The following MEIOB variants were observed in gnomAD, a reference collection of about 807,000 sequenced individuals.
MEIOB encodes the protein meiosis-specific with OB domain-containing protein.
Under a neutral mutation model 53.1 loss-of-function variants are expected in MEIOB, and 50 were observed. The ratio of observed to expected loss-of-function variants is 0.94; its 90% CI spans 0.75 to 1.19. MEIOB has a LOEUF of 1.19. Ranked by LOEUF, MEIOB falls within the 50% of genes most tolerant of loss-of-function variation. MEIOB has a pLI of 0.00. For synonymous variants in MEIOB, 192 were observed against 182.5 expected (o/e 1.05, Z -0.42); for missense variants, 551 against 550.8 (o/e 1.00, Z 0.00).
At chr16:1,838,301 A>C (rs891889313) in intron 12 of MEIOB, among the ~76,000 whole-genome samples, 1 of 152,122 alleles carries the variant, frequency 6.6e-6, no homozygotes, top group East Asian at 1.9e-4. Context: ...TGCCCAGCCA[A>C]CTCAACTGTT....
At chr16:1,837,925 AT>A in intron 12 of MEIOB, 55 bp from the exon 13 acceptor site, 1 of 1,458,200 alleles carries the variant, frequency 6.9e-7, no homozygotes, top group Admixed American at 2.7e-5. Context: ...AAGAAAATTC[AT>A]TTTTGACAAC....
intron 2 of MEIOB, 75 bp from the exon 3 acceptor site, chr16:1,865,910 T>TTA (rs773520388): frequency 3.7e-5 from 37 of 1,004,642 alleles, no homozygotes; most frequent in Non-Finnish European, 5.4e-5. Context: ...CATGGGCTTG[T>TTA]TATACTTTAC....
chr16:1,835,415 A>AT lies in MEIOB; in HGVS notation c.1306-1050dup, dbSNP rs1898716644. Among the ~76,000 whole-genome samples the AT allele has an allele frequency of 5.9e-5, 9 of 152,184 alleles. No homozygotes were observed. The South Asian group carries it at 1.9e-3, about 32-fold the overall frequency. On this transcript the variant is annotated intron_variant, in intron 13 of 13. Coordinates refer to ENST00000325962, the MANE Select transcript of MEIOB (RefSeq NM_001163560.3). ...ATAATAGTCTTATTTTAATAGTCTT[A>AT]TTTTTTATAATTTATACAGCACTTT...
At chr16:1,843,688 A>C (rs1193283135) in intron 10 of MEIOB, 1 of 149,050 alleles carries the variant, frequency 6.7e-6, no homozygotes, top group Admixed American at 6.7e-5. Context: ...ACAGAGCCAG[A>C]CTCCATCTCA....
At chr16:1,837,983 A>C in intron 12 of MEIOB, 113 bp from the exon 13 acceptor site, 1 of 1,440,688 alleles carries the variant, frequency 6.9e-7, no homozygotes, top group Non-Finnish European at 9.2e-7. Flanking sequence ...TATTTGCAGT[A>C]ATTACAGCTC....
At position 1,872,122 on chromosome 16, in the gene MEIOB, T is replaced by A. The variant is rs1255538555; in HGVS notation, c.-139A>T. 1 of 151,608 alleles carries A rather than the reference T, an allele frequency of 6.6e-6. No individual in the cohort carries two copies. Among genetic ancestry groups the A allele is most frequent in the Admixed American group, 6.6e-5 (1 of 15,246 alleles). The allele number at this position is 151,608 out of a possible 1,614,324, so 9.4% of individuals were successfully genotyped here. ...TCCACAGGACGCTCGGGCCACAGCC[T>A]CGTGCAGGTGCGACGGCCGCGCGAC... On this transcript the variant is annotated 5_prime_UTR_variant, in exon 1 of 14. Coordinates refer to ENST00000325962, the MANE Select transcript of MEIOB (RefSeq NM_001163560.3).
intron 4 of MEIOB, among the ~76,000 whole-genome samples, chr16:1,860,865 T>C (rs115552728): frequency 3.9e-5 from 6 of 152,222 alleles, no homozygotes; most frequent in Admixed American, 6.6e-5. Context: ...ATAACCGGTA[T>C]GGGGAGTCAG....
intron 9 of MEIOB, among the ~76,000 whole-genome samples, chr16:1,845,603 G>C (rs1417433732): frequency 3.3e-5 from 5 of 151,994 alleles, no homozygotes; most frequent in Non-Finnish European, 7.4e-5. Flanking sequence ...TGGGATTGTA[G>C]GTGATCTTTG....
intron 10 of MEIOB, chr16:1,843,306 A>AT (rs1396707889): frequency 1.3e-5 from 2 of 151,448 alleles, no homozygotes; most frequent in Admixed American, 1.3e-4. Flanking sequence ...AAATAAAATA[A>AT]AAAAAAATAA....
At chr16:1,856,648 G>A (rs545342229) in intron 6 of MEIOB, among the ~76,000 whole-genome samples, 27 of 151,956 alleles carry the variant, frequency 1.8e-4, no homozygotes, top group African/African-American at 5.5e-4. Context: ...TTTTAGTGGC[G>A]ATGGTGTTTC....
At chr16:1,860,323 A>T in intron 5 of MEIOB, 80 bp downstream of exon 5, 1 of 739,496 alleles carries the variant, frequency 1.4e-6, no homozygotes, top group Non-Finnish European at 2.2e-6. Context: ...GAACACTTTT[A>T]GTAAGATCTC....
intron 3 of MEIOB, among the ~76,000 whole-genome samples, chr16:1,863,549 G>T (rs1899510026): frequency 6.6e-6 from 1 of 151,562 alleles, no homozygotes; most frequent in African/African-American, 2.4e-5. Context: ...ACCATGCCTG[G>T]CTAATTTTGT....
At chr16:1,867,325 A>C (rs1438193780) in intron 2 of MEIOB, among the ~76,000 whole-genome samples, 3 of 152,122 alleles carry the variant, frequency 2.0e-5, no homozygotes, top group African/African-American at 7.2e-5. Flanking sequence ...CTACTCAAAG[A>C]GTCAATTTTC....
intron 4 of MEIOB, among the ~76,000 whole-genome samples, chr16:1,861,164 A>G (rs1315077936): frequency 6.6e-6 from 1 of 152,192 alleles, no homozygotes; most frequent in South Asian, 2.1e-4. Flanking sequence ...TGGGATTTGA[A>G]TCTAGACCTC....
intron 13 of MEIOB, among the ~76,000 whole-genome samples, chr16:1,837,114 C>T (rs1372591040): frequency 3.3e-5 from 5 of 152,118 alleles, no homozygotes; most frequent in African/African-American, 4.8e-5. Flanking sequence ...CACAAAGACT[C>T]GAGGATCCTC....
At position 1,841,972 on chromosome 16, in the gene MEIOB, T is replaced by C. The variant is rs781537342; in HGVS notation, c.882A>G (p.Leu294=). Residue 294 remains leucine, a splice_region_variant and synonymous_variant, in exon 11 of 14, where the codon TTA becomes TTG. Coordinates refer to ENST00000325962, the MANE Select transcript of MEIOB (RefSeq NM_001163560.3). ...IDSYFKESIN[L]STIVDVYTVE... The stretch of plus-strand genomic sequence containing the variant: ...CTGTGTAGACATCAACTATTGTACT[T>C]ACTAAAAACAGAAAGAAGTATTACA... 1.3e-6 allele frequency: 2 copies of C among 1,549,872 alleles called. No homozygotes were observed. The highest frequency in any genetic ancestry group is 1.7e-6 in the Non-Finnish European group (2 of 1,150,182).
At chr16:1,856,377 T>G (rs1171532691) in intron 6 of MEIOB, among the ~76,000 whole-genome samples, 1 of 151,708 alleles carries the variant, frequency 6.6e-6, no homozygotes, top group Admixed American at 6.6e-5. Context: ...TGGAGTGCAG[T>G]GGCGCAATCT....
In MEIOB at chr16:1,865,785, G is replaced by A. The variant is rs530600500; in HGVS notation, c.120C>T (p.Asp40=). The change falls in exon 3 of 14, where the codon GAC becomes GAT. Residue 40 remains aspartate (D), a synonymous_variant. Transcript: ENST00000325962. ...AGTTAAACAGAACTCAGCTTTTTCT[G>A]TCTGGAAAGCCTTTGACATCTGTTT... ...IGKTDVKGFP[D]RKNIGSERYT... is the part of the protein sequence containing the mutation. 4 of 1,547,654 alleles carry A rather than the reference G, an allele frequency of 2.6e-6. No homozygotes were observed. Among genetic ancestry groups the A allele is most frequent in the Non-Finnish European group, 3.5e-6 (4 of 1,145,790 alleles).
chr16:1,834,175 C>A lies in MEIOB; in HGVS notation c.*81G>T. On this transcript the variant is annotated 3_prime_UTR_variant, in exon 14 of 14. Transcript: ENST00000325962. ...ACATGTAAACAAAATGCAATTTTCC[C>A]CATAATTTTCAAATTAATATTCCAT... The A allele has an allele frequency of 1.3e-6, 1 of 743,546 alleles. No homozygotes were observed. Among genetic ancestry groups the A allele is most frequent in the East Asian group, 2.7e-5 (1 of 37,358 alleles). 46.1% of individuals were successfully genotyped at this position (743,546 alleles called of 1,614,324 possible).
Sources: gnomAD v4.1 joint callset for allele counts (sites outside exome capture counted in the v4.1 genomes callset) on GRCh38, gnomAD v4.1.1 for gene constraint, MANE v1.5 for transcripts, NCBI Gene and HGNC (gene_info 2026-07-23, HGNC 2026-07-21) for gene names.